The following HNF4A variants were observed in gnomAD, a reference collection of about 807,000 sequenced individuals.
HNF4A encodes hepatocyte nuclear factor 4 alpha.
HNF4A carries 15 observed loss-of-function variants against 52.4 expected under a neutral mutation model. The ratio of observed to expected loss-of-function variants is 0.29; its 90% confidence interval spans 0.19 to 0.44. HNF4A has a LOEUF of 0.44. HNF4A is among the 20% of genes least tolerant of loss of function. The pLI is 1.00. For missense variants in HNF4A, 479 were observed against 647.2 expected, an observed-to-expected ratio of 0.74 and a Z score of 2.82; for synonymous variants, 280 against 264.4, an observed-to-expected ratio of 1.06 and a Z score of -0.57.
At chr20:44,402,303 C>A (rs1273859531) in intron 1 of HNF4A, among the ~76,000 whole-genome samples, 1 of 152,102 alleles carries the variant, frequency 6.6e-6, no homozygotes, top group African/African-American at 2.4e-5. Context: ...GTGTGCGGGT[C>A]ATAGAGCACA....
rs368553906 is a variant in HNF4A, at chr20:44,366,086, GA to G, written c.49+10238del. 2.2e-3 allele frequency among the ~76,000 whole-genome samples: 330 copies of G among 152,112 alleles called. 1 individual carries two copies. The highest frequency in any genetic ancestry group is 7.8e-3 in the African/African-American group (323 of 41,482). ...TTACTGAAGTATAACATTCAAAACAGAAAAAGGCACAAATCATCAATGTATC... is the reference window on the plus strand; with the variant it reads ...TTACTGAAGTATAACATTCAAAACAGAAAAGGCACAAATCATCAATGTATC... On this transcript the variant is annotated intron_variant, in intron 1 of 9. Transcript: ENST00000316673.
At chr20:44,356,009 C>T (rs1385414922) in intron 1 of HNF4A, among the ~76,000 whole-genome samples, 156 bp downstream of exon 1, 3 of 150,606 alleles carry the variant, frequency 2.0e-5, no homozygotes, top group African/African-American at 7.3e-5. Context: ...TGACCGCTTC[C>T]CTAAGCTCTC....
chr20:44,379,829 G>C (rs900169751), intron 1 of HNF4A, among the ~76,000 whole-genome samples: 2 of 150,218 alleles, frequency 1.3e-5, no homozygotes. Context: ...TGCCTCCCAG[G>C]TTCAAGCGAT....
In HNF4A at chr20:44,388,102, A is replaced by T. The variant is rs141681965; in HGVS notation, c.50-17956A>T. On this transcript the variant is annotated intron_variant, in intron 1 of 9. Coordinates refer to the HNF4A transcript ENST00000316673. ...TATCCACACATTAATTTTTTTTTTT[A>T]AATTGAGACAGAGTCTCACTCTATC... Among the ~76,000 whole-genome samples, 32 of 123,714 alleles carry T rather than the reference A, an allele frequency of 2.6e-4. 1 individual carries two copies. Among genetic ancestry groups the T allele is most frequent in the East Asian group, 1.8e-3 (6 of 3,298 alleles). The allele number at this position is 123,714 out of a possible 152,430, so 81.2% of individuals were successfully genotyped here.
chr20:44,387,405 G>C (rs1305923297), intron 1 of HNF4A, among the ~76,000 whole-genome samples: 2 of 151,276 alleles, frequency 1.3e-5, no homozygotes, highest in Non-Finnish European at 2.9e-5. Flanking sequence ...GCTGCTGATA[G>C]GGGTGGGGGC....
At chr20:44,383,857 AT>A (rs111670563) in intron 1 of HNF4A, among the ~76,000 whole-genome samples, 48,749 of 141,016 alleles carry the variant, frequency 0.35, 8,316 homozygotes, top group Admixed American at 0.51. Flanking sequence ...CCTGGCTCCC[AT>A]TTTTTTTTTA....
At chr20:44,405,980 A>C (rs1225061299) in intron 1 of HNF4A, 78 bp from the exon 2 acceptor site, 78 of 1,367,848 alleles carry the variant, frequency 5.7e-5, no homozygotes, top group Non-Finnish European at 7.2e-5. Flanking sequence ...GAAGCCCTGG[A>C]GAGATCCCCG....
At chr20:44,422,821 G>A (rs2063764984) in intron 7 of HNF4A, among the ~76,000 whole-genome samples, 1 of 151,806 alleles carries the variant, frequency 6.6e-6, no homozygotes, top group Non-Finnish European at 1.5e-5. Flanking sequence ...TGGGATTACA[G>A]GCATGTGTCA....
At chr20:44,387,212 TG>T in intron 1 of HNF4A, among the ~76,000 whole-genome samples, 1 of 145,784 alleles carries the variant, frequency 6.9e-6, no homozygotes, top group Non-Finnish European at 1.5e-5. Context: ...TGCTTGAACC[TG>T]GGAGGCGGAG....
upstream of HNF4A, among the ~76,000 whole-genome samples, chr20:44,396,390 A>C (rs2063353400): frequency 6.6e-6 from 1 of 152,054 alleles, no homozygotes; most frequent in South Asian, 2.1e-4. Flanking sequence ...CAGCTCCCTT[A>C]CCACCGTCCA....
At chr20:44,401,978 A>C (rs2063416625) in intron 1 of HNF4A, among the ~76,000 whole-genome samples, 1 of 152,112 alleles carries the variant, frequency 6.6e-6, no homozygotes, top group Non-Finnish European at 1.5e-5. Context: ...TGAAATTGGC[A>C]CTTAGGGAAA....
At chr20:44,406,613 C>T (rs2063504537) in intron 2 of HNF4A, among the ~76,000 whole-genome samples, 1 of 152,208 alleles carries the variant, frequency 6.6e-6, no homozygotes, top group Non-Finnish European at 1.5e-5. Context: ...GGAGATTGAC[C>T]CCAGGCCGTT....
intron 1 of HNF4A, chr20:44,391,436 C>T (rs2063300990): frequency 1.3e-5 from 2 of 152,808 alleles, no homozygotes; most frequent in Non-Finnish European, 2.9e-5. Context: ...CCCTCCTCAC[C>T]TCTTGTCCTG....
At chr20:44,386,402 A>G (rs2063224912) in intron 1 of HNF4A, among the ~76,000 whole-genome samples, 3 of 151,962 alleles carry the variant, frequency 2.0e-5, no homozygotes, top group Admixed American at 2.0e-4. Context: ...CCTGAACTCA[A>G]GTGGTCCACC....
intron 5 of HNF4A, among the ~76,000 whole-genome samples, chr20:44,417,669 G>A (rs1291057469): frequency 2.0e-5 from 3 of 152,010 alleles, no homozygotes; most frequent in Admixed American, 6.6e-5. Context: ...AGAATCTCAG[G>A]GCCTAAGAAT....
rs113495257 is a variant in HNF4A at position 44,418,398 on chromosome 20, G to A, written c.649-27G>A. The A allele has an allele frequency of 6.9e-4, 1,112 of 1,600,480 alleles. 3 individuals are homozygous for A. The African/African-American group carries it at 0.012, about 17-fold the overall frequency. The stretch of plus-strand genomic sequence containing the variant: ...GGCAGCCTTCCCAAGGGTACAGATG[G>A]CAAACACTGTTCCTTCTCTCTTTCA... On this transcript the variant is annotated intron_variant, in intron 5 of 9. Coordinates refer to ENST00000316099, the MANE Select transcript of HNF4A (RefSeq NM_000457.6).
In HNF4A at chr20:44,419,708, C is replaced by T; in HGVS notation, c.737-13C>T. On this transcript the variant is annotated splice_polypyrimidine_tract_variant and intron_variant, in intron 6 of 9. Transcript: ENST00000316099. ...GGTGACTTCCCATCCTCCCTCCCTC[C>T]CAACCCTTCCAGGCAATGACTACAT... The T allele has an allele frequency of 1.2e-6, 2 of 1,612,446 alleles. No individual in the cohort carries two copies. Among genetic ancestry groups the T allele is most frequent in the Non-Finnish European group, 1.7e-6 (2 of 1,179,122 alleles).
chr20:44,390,455 C>T, intron 1 of HNF4A: 1 of 585,476 alleles, frequency 1.7e-6, no homozygotes, highest in East Asian at 2.8e-5. Context: ...GGATCCTGGA[C>T]AGGTCTGCAG....
intron 1 of HNF4A, among the ~76,000 whole-genome samples, chr20:44,365,343 T>C (rs2062959943): frequency 6.6e-6 from 1 of 152,052 alleles, no homozygotes; most frequent in African/African-American, 2.4e-5. Context: ...TAATTTTTTA[T>C]TTTTATTTTT....
Sources: allele counts gnomAD v4.1 joint callset (sites outside exome capture counted in the v4.1 genomes callset), GRCh38; gene constraint gnomAD v4.1.1; transcripts MANE v1.5; gene names NCBI Gene and HGNC (gene_info 2026-07-23, HGNC 2026-07-21).